ST6GALNAC3: variants seen among roughly 807,000 people sequenced by gnomAD.
The protein encoded by ST6GALNAC3 is alpha-N-acetylgalactosaminide alpha-2,6-sialyltransferase 3.
Under a neutral mutation model 32.7 loss-of-function variants are expected in ST6GALNAC3, and 25 were observed. That is an observed-to-expected ratio of 0.76 (90% CI 0.56 to 1.07). The LOEUF is 1.07. ST6GALNAC3 is among the 50% of genes least tolerant of loss of function. The pLI, the probability that ST6GALNAC3 is intolerant of heterozygous loss-of-function variation, is 0.00. For missense variants in ST6GALNAC3, 355 were observed against 382.4 expected (o/e 0.93, Z 0.60); for synonymous variants, 129 against 133.1 (o/e 0.97, Z 0.21).
chr1:76,323,619 G>T (rs901380726), intron 2 of ST6GALNAC3, among the ~76,000 whole-genome samples: 3 of 152,038 alleles, frequency 2.0e-5, no homozygotes, highest in African/African-American at 7.2e-5. Flanking sequence ...TTGTAAAAAA[G>T]AAAACACTTT....
chr1:76,088,772 G>A (rs1159382964), intron 1 of ST6GALNAC3, among the ~76,000 whole-genome samples: 2 of 152,216 alleles, frequency 1.3e-5, no homozygotes, highest in Non-Finnish European at 2.9e-5. Context: ...TTATCGCTGT[G>A]TATCTATCAT....
rs151042281 is a variant in ST6GALNAC3 at position 76,589,936 on chromosome 1, G to C, written c.624-37516G>C. 6.0e-5 allele frequency among the ~76,000 whole-genome samples: 8 copies of C among 133,378 alleles called. No individual in the cohort carries two copies. In the East Asian group the frequency reaches 2.0e-3, roughly 33 times the overall value. 87.5% of individuals were successfully genotyped at this position (133,378 alleles called of 152,430 possible). A position where few individuals can be genotyped will look rare whatever the true frequency, so the allele number is the denominator to read the frequency against. On this transcript the variant is annotated intron_variant, in intron 3 of 4. Coordinates refer to ENST00000328299, the MANE Select transcript of ST6GALNAC3 (RefSeq NM_152996.4). ...CCTGAGAGGTGGGAGGAGGGCTCCAGTTCTGCTCTCGTAATCCATTTTTTA... is the reference window on the plus strand; with the variant it reads ...CCTGAGAGGTGGGAGGAGGGCTCCACTTCTGCTCTCGTAATCCATTTTTTA...
At chr1:76,088,570 G>A (rs1363517731) in intron 1 of ST6GALNAC3, among the ~76,000 whole-genome samples, 1 of 152,082 alleles carries the variant, frequency 6.6e-6, no homozygotes, top group Non-Finnish European at 1.5e-5. Context: ...GGTGGGGAAT[G>A]CCAGGCAGCT....
rs1053145701 is a variant in ST6GALNAC3, at chr1:76,491,624, C to G, written c.623+79207C>G. Among the ~76,000 whole-genome samples, 3 of 152,144 alleles carry G rather than the reference C, an allele frequency of 2.0e-5. No individual in the cohort carries two copies. In the South Asian group the frequency reaches 6.2e-4, roughly 31 times the overall value. ...AACATAAAACCTCTACTCCTAGAAACTCTAGGAGACACATCTGCCATTGTT... is the reference window on the plus strand; with the variant it reads ...AACATAAAACCTCTACTCCTAGAAAGTCTAGGAGACACATCTGCCATTGTT... On this transcript the variant is annotated intron_variant, in intron 3 of 4. Transcript: ENST00000328299.
chr1:76,552,342 GCTCCCTA>G (rs1664688437), intron 3 of ST6GALNAC3, among the ~76,000 whole-genome samples: 1 of 152,148 alleles, frequency 6.6e-6, no homozygotes, highest in Admixed American at 6.5e-5. Flanking sequence ...GCTCTGAGCT[GCTCCCTA>G]CTGAATTGGA....
chr1:76,328,275 ATTGT>A (rs1274095825), intron 2 of ST6GALNAC3, among the ~76,000 whole-genome samples: 2 of 152,108 alleles, frequency 1.3e-5, no homozygotes, highest in African/African-American at 4.8e-5. Context: ...TTTAATCTTG[ATTGT>A]TTTTGTTGAA....
At chr1:76,229,062 A>G (rs1020273898) in intron 1 of ST6GALNAC3, among the ~76,000 whole-genome samples, 2 of 152,178 alleles carry the variant, frequency 1.3e-5, no homozygotes, top group African/African-American at 4.8e-5. Context: ...GACTGATTAT[A>G]TGAATGGACA....
rs952331301 is a variant in ST6GALNAC3, at chr1:76,634,285, T to G, written c.*5479T>G. 1 of 525,498 alleles carries G rather than the reference T, an allele frequency of 1.9e-6. No homozygotes were observed. The highest frequency in any genetic ancestry group is 6.4e-5 in the Admixed American group (1 of 15,642). 32.6% of individuals were successfully genotyped at this position (525,498 alleles called of 1,614,324 possible). On this transcript the variant is annotated 3_prime_UTR_variant, in exon 5 of 5. Transcript: ENST00000328299. Reference sequence around the variant, plus strand: ...CTATTTCTAAGAAACTTCAAAAAGATCAAAACGAGGCAATTTTATAGCTTT... The same window carrying G: ...CTATTTCTAAGAAACTTCAAAAAGAGCAAAACGAGGCAATTTTATAGCTTT...
intron 1 of ST6GALNAC3, among the ~76,000 whole-genome samples, chr1:76,292,885 C>T (rs1332538348): frequency 6.6e-6 from 1 of 152,100 alleles, no homozygotes; most frequent in Non-Finnish European, 1.5e-5. Context: ...CAAAATCTAC[C>T]TCCTTGAACT....
chr1:76,342,342 C>T (rs928966359), intron 2 of ST6GALNAC3, among the ~76,000 whole-genome samples: 16 of 152,120 alleles, frequency 1.1e-4, no homozygotes, highest in Admixed American at 1.0e-3. Flanking sequence ...TAAAAGCATT[C>T]GTATTTCTCC....
At chr1:76,438,770 A>G (rs1038307372) in intron 3 of ST6GALNAC3, among the ~76,000 whole-genome samples, 8 of 152,052 alleles carry the variant, frequency 5.3e-5, no homozygotes, top group Admixed American at 5.2e-4. Context: ...CACCTCCTCC[A>G]CAAACCCTCC....
intron 3 of ST6GALNAC3, among the ~76,000 whole-genome samples, chr1:76,580,316 G>T (rs1291165326): frequency 6.6e-6 from 1 of 152,046 alleles, no homozygotes; most frequent in Non-Finnish European, 1.5e-5. Flanking sequence ...CTCTGTAGGG[G>T]ATATGGAATC....
intron 3 of ST6GALNAC3, among the ~76,000 whole-genome samples, chr1:76,502,669 A>G (rs1455106084): frequency 1.3e-5 from 2 of 152,190 alleles, no homozygotes; most frequent in Non-Finnish European, 2.9e-5. Context: ...AATTACCTCT[A>G]TAAAGACCCT....
chr1:76,148,837 C>T (rs183019580), intron 1 of ST6GALNAC3, among the ~76,000 whole-genome samples: 208 of 152,290 alleles, frequency 1.4e-3, no homozygotes, highest in Non-Finnish European at 2.4e-3. Flanking sequence ...TTGTTCCATT[C>T]TAAGTTAAGG....
intron 2 of ST6GALNAC3, among the ~76,000 whole-genome samples, chr1:76,339,059 G>T (rs1323911953): frequency 6.6e-6 from 1 of 152,166 alleles, no homozygotes; most frequent in Non-Finnish European, 1.5e-5. Flanking sequence ...TGAACCAGCT[G>T]TGGTTTGGAA....
intron 3 of ST6GALNAC3, among the ~76,000 whole-genome samples, chr1:76,590,330 A>T (rs1300029776): frequency 6.6e-6 from 1 of 152,240 alleles, no homozygotes; most frequent in Non-Finnish European, 1.5e-5. Flanking sequence ...GCTCTCAAAT[A>T]ATGCAACAAT....
rs960490874 is a variant in ST6GALNAC3 at position 76,264,413 on chromosome 1, G to A, written c.19-49392G>A. 1.6e-4 allele frequency among the ~76,000 whole-genome samples: 25 copies of A among 152,266 alleles called. No homozygotes were observed. In the East Asian group the frequency reaches 2.9e-3, roughly 18 times the overall value. On this transcript the variant is annotated intron_variant, in intron 1 of 4. Transcript: ENST00000328299. ...GAAAATACTTGGGTTCACCAAGCAC[G>A]TCTGCCATATGCACTTAAGGAGATT...
At chr1:76,102,783 ATTCTT>A (rs1362803905) in intron 1 of ST6GALNAC3, among the ~76,000 whole-genome samples, 1 of 151,906 alleles carries the variant, frequency 6.6e-6, no homozygotes, top group Non-Finnish European at 1.5e-5. Context: ...TCATATATTT[ATTCTT>A]TTCTTTGTTC....
chr1:76,409,780 A>G (rs1281635651), intron 2 of ST6GALNAC3, among the ~76,000 whole-genome samples: 1 of 152,118 alleles, frequency 6.6e-6, no homozygotes, highest in Non-Finnish European at 1.5e-5. Flanking sequence ...TATGACAAAA[A>G]TCGGTGTAGT....
Sources: allele counts gnomAD v4.1 joint callset (sites outside exome capture counted in the v4.1 genomes callset), GRCh38; gene constraint gnomAD v4.1.1; transcripts MANE v1.5; gene names NCBI Gene and HGNC (gene_info 2026-07-23, HGNC 2026-07-21).